Variants in ZNF804A observed in about 807,000 individuals in gnomAD.
The protein encoded by ZNF804A is zinc finger protein 804A.
ZNF804A carries 2 observed loss-of-function variants against 16.5 expected under a neutral mutation model. The observed-to-expected ratio is 0.12, with a 90% confidence interval of 0.05 to 0.38. The LOEUF is 0.38. Among genes scored for constraint, ZNF804A ranks in the 10% least tolerant of loss-of-function variants. ZNF804A has a pLI of 0.99. For missense variants in ZNF804A, 1,473 were observed against 1,390.7 expected (o/e 1.06, Z -0.94); for synonymous variants, 534 against 489.6 (o/e 1.09, Z -1.20).
chr2:184,759,500 A>G (rs1005123009), intron 1 of ZNF804A, among the ~76,000 whole-genome samples: 5 of 151,792 alleles, frequency 3.3e-5, no homozygotes, highest in Non-Finnish European at 1.5e-5. Context: ...AATTTTTATA[A>G]TATATATTTT....
intron 1 of ZNF804A, among the ~76,000 whole-genome samples, chr2:184,625,416 A>G (rs1462353302): frequency 1.3e-5 from 2 of 152,118 alleles, no homozygotes; most frequent in Admixed American, 1.3e-4. Context: ...TTTTATGTCT[A>G]GATAGATAAA....
At chr2:184,875,142 A>G (rs1340843318) in intron 2 of ZNF804A, among the ~76,000 whole-genome samples, 1 of 152,224 alleles carries the variant, frequency 6.6e-6, no homozygotes, top group Non-Finnish European at 1.5e-5. Flanking sequence ...AAAAGATGGA[A>G]GTCTAAAGGC....
At chr2:184,806,144 A>G (rs558726645) in intron 1 of ZNF804A, among the ~76,000 whole-genome samples, 2 of 152,116 alleles carry the variant, frequency 1.3e-5, no homozygotes, top group East Asian at 1.9e-4. Flanking sequence ...TTAGAAGCCA[A>G]TTAATAAATG....
chr2:184,601,589 A>T (rs966902301), intron 1 of ZNF804A, among the ~76,000 whole-genome samples: 1 of 151,870 alleles, frequency 6.6e-6, no homozygotes, highest in African/African-American at 2.4e-5. Flanking sequence ...TATCGTGTAC[A>T]ATGATTTTAA....
intron 2 of ZNF804A, among the ~76,000 whole-genome samples, chr2:184,919,982 G>A (rs1685505115): frequency 6.6e-6 from 1 of 152,106 alleles, no homozygotes; most frequent in African/African-American, 2.4e-5. Flanking sequence ...TGGCATGATG[G>A]CATGTGCATG....
At chr2:184,630,649 T>C (rs1216285391) in intron 1 of ZNF804A, among the ~76,000 whole-genome samples, 1 of 152,142 alleles carries the variant, frequency 6.6e-6, no homozygotes, top group Non-Finnish European at 1.5e-5. Flanking sequence ...ATCTATCACT[T>C]ATAATAGAAG....
intron 1 of ZNF804A, among the ~76,000 whole-genome samples, chr2:184,774,181 A>G (rs923525753): frequency 4.0e-5 from 6 of 151,844 alleles, no homozygotes; most frequent in African/African-American, 1.2e-4. Context: ...AACTTATTCT[A>G]TGGCTTTGTT....
chr2:184,632,134 A>G (rs1245632881), intron 1 of ZNF804A, among the ~76,000 whole-genome samples: 1 of 152,168 alleles, frequency 6.6e-6, no homozygotes, highest in East Asian at 1.9e-4. Flanking sequence ...GTAGAAGTAT[A>G]TAATGATACA....
chr2:184,619,168 G>T (rs1024836104), intron 1 of ZNF804A, among the ~76,000 whole-genome samples: 3 of 151,780 alleles, frequency 2.0e-5, no homozygotes, highest in Non-Finnish European at 2.9e-5. Flanking sequence ...TTATTCTTTC[G>T]GTCTTCATTA....
chr2:184,822,748 A>G (rs1043011351), intron 1 of ZNF804A, among the ~76,000 whole-genome samples: 6 of 152,146 alleles, frequency 3.9e-5, no homozygotes, highest in South Asian at 2.1e-4. Flanking sequence ...AGAACACAAG[A>G]CTAAATACTT....
At chr2:184,624,444 T>A (rs1304848048) in intron 1 of ZNF804A, among the ~76,000 whole-genome samples, 2 of 152,182 alleles carry the variant, frequency 1.3e-5, no homozygotes, top group African/African-American at 4.8e-5. Context: ...TGCACATGCA[T>A]GTCTGCATGT....
chr2:184,844,937 C>T (rs1263995996), intron 1 of ZNF804A, among the ~76,000 whole-genome samples: 2 of 151,624 alleles, frequency 1.3e-5, no homozygotes, highest in African/African-American at 4.8e-5. Flanking sequence ...TCCTTCCTTC[C>T]TTCCTTTTTA....
intron 1 of ZNF804A, among the ~76,000 whole-genome samples, chr2:184,641,576 T>C (rs1374016829): frequency 6.6e-6 from 1 of 152,204 alleles, no homozygotes; most frequent in African/African-American, 2.4e-5. Context: ...GAAATATTTA[T>C]TTAAAAAAGA....
At chr2:184,867,074 C>A (rs539907562) in intron 2 of ZNF804A, among the ~76,000 whole-genome samples, 1 of 151,676 alleles carries the variant, frequency 6.6e-6, no homozygotes, top group African/African-American at 2.4e-5. Flanking sequence ...TTAATATTTT[C>A]ATTTTATTGT....
chr2:184,837,617 A>C (rs955664749), intron 1 of ZNF804A, among the ~76,000 whole-genome samples: 1 of 152,194 alleles, frequency 6.6e-6, no homozygotes, highest in Non-Finnish European at 1.5e-5. Flanking sequence ...ACTTTTTTAC[A>C]GAAATATTTA....
At chr2:184,687,210 G>A (rs978507905) in intron 1 of ZNF804A, among the ~76,000 whole-genome samples, 3 of 152,154 alleles carry the variant, frequency 2.0e-5, no homozygotes, top group Non-Finnish European at 2.9e-5. Context: ...ATGGTGAAAG[G>A]TAAGGGTCCA....
At chr2:184,871,695 T>C (rs1435128907) in intron 2 of ZNF804A, among the ~76,000 whole-genome samples, 2 of 152,092 alleles carry the variant, frequency 1.3e-5, no homozygotes, top group Non-Finnish European at 2.9e-5. Flanking sequence ...AGTTTTATAA[T>C]GAACATGTAG....
intron 1 of ZNF804A, among the ~76,000 whole-genome samples, chr2:184,801,612 A>G (rs1322901605): frequency 2.6e-5 from 4 of 152,274 alleles, no homozygotes; most frequent in African/African-American, 9.6e-5. Flanking sequence ...CATTTCTGTA[A>G]CAGCATTCAT....
chr2:184,729,985 G>T (rs981734580), intron 1 of ZNF804A, among the ~76,000 whole-genome samples: 12 of 151,910 alleles, frequency 7.9e-5, no homozygotes, highest in Admixed American at 1.3e-4. Context: ...TACTAGTATT[G>T]GTCCTGACTC....
Sources: allele counts gnomAD v4.1 joint callset (sites outside exome capture counted in the v4.1 genomes callset), GRCh38; gene constraint gnomAD v4.1.1; transcripts MANE v1.5; gene names NCBI Gene and HGNC (gene_info 2026-07-23, HGNC 2026-07-21).